The following SKIC8 variants were observed in gnomAD, a reference collection of about 807,000 sequenced individuals.
The protein encoded by SKIC8 is SKI8 subunit of superkiller complex.
At chr15:78,288,469 T>C in the SKIC8 span, 6 of 1,287,490 alleles carry the variant, frequency 4.7e-6, no homozygotes, top group East Asian at 2.4e-5. Flanking sequence ...TTAATGATTA[T>C]GAGCCACTGA....
chr15:78,295,386 A>G, the SKIC8 span: 1 of 605,788 alleles, frequency 1.7e-6, no homozygotes, highest in South Asian at 1.8e-5. Context: ...CTCCTGTTCT[A>G]TCTCCTATTC....
chr15:78,289,814 T>C, the SKIC8 span: 1 of 1,513,804 alleles, frequency 6.6e-7, no homozygotes, highest in Non-Finnish European at 9.1e-7. Flanking sequence ...CAGGTCTAAC[T>C]GGCTACTTGG....
At chr15:78,292,583 C>G in the SKIC8 span, 1 of 1,613,658 alleles carries the variant, frequency 6.2e-7, no homozygotes, top group Non-Finnish European at 8.5e-7. Flanking sequence ...AATCATGAAC[C>G]TCTATTATCT....
chr15:78,292,374 T>C, the SKIC8 span: 7 of 452,734 alleles, frequency 1.5e-5, no homozygotes, highest in African/African-American at 9.9e-5. Context: ...CATAAGGCTA[T>C]TTATAGCCTT....
the SKIC8 span, among the ~76,000 whole-genome samples, chr15:78,296,734 C>T: frequency 7.2e-5 from 11 of 152,164 alleles, no homozygotes; most frequent in African/African-American, 2.7e-4. Flanking sequence ...AACTCCTGGG[C>T]TCAAGCAATC....
At chr15:78,295,349 C>T in the SKIC8 span, 1 of 580,448 alleles carries the variant, frequency 1.7e-6, no homozygotes, top group Non-Finnish European at 3.1e-6. Flanking sequence ...TTAACTTTGT[C>T]CCTAATCTTA....
chr15:78,295,917 C>A, the SKIC8 span: 1 of 452,006 alleles, frequency 2.2e-6, no homozygotes, highest in Non-Finnish European at 3.9e-6. Context: ...TTCCTCTGAA[C>A]CTAGGGACTC....
the SKIC8 span, chr15:78,289,880 C>T: frequency 1.9e-6 from 3 of 1,578,186 alleles, no homozygotes; most frequent in Non-Finnish European, 2.6e-6. Context: ...GAATCTGTGG[C>T]AAGGACTGCA....
At chr15:78,296,312 A>G in the SKIC8 span, among the ~76,000 whole-genome samples, 1 of 152,156 alleles carries the variant, frequency 6.6e-6, no homozygotes, top group African/African-American at 2.4e-5. Context: ...AGGCTGAGGC[A>G]GGAGAATCAC....
the SKIC8 span, chr15:78,289,883 G>A: frequency 6.3e-7 from 1 of 1,575,484 alleles, no homozygotes. Flanking sequence ...TCTGTGGCAA[G>A]GACTGCAACA....
chr15:78,286,203 A>G, the SKIC8 span: 671 of 1,362,238 alleles, frequency 4.9e-4, 7 homozygotes, highest in East Asian at 0.015. Context: ...AGTGGAAAGT[A>G]TATTATTAAC....
chr15:78,286,127 A>C, the SKIC8 span: 1 of 1,609,804 alleles, frequency 6.2e-7, no homozygotes, highest in Non-Finnish European at 8.5e-7. Context: ...CCAAATTGGC[A>C]TGTTGTCTGA....
At chr15:78,284,720 G>C in the SKIC8 span, 1 of 152,472 alleles carries the variant, frequency 6.6e-6, no homozygotes, top group Admixed American at 6.5e-5. Flanking sequence ...CCTTGGCAAA[G>C]ATAAAGTTGC....
the SKIC8 span, chr15:78,283,588 T>A: frequency 2.0e-5 from 25 of 1,237,440 alleles, no homozygotes; most frequent in Non-Finnish European, 2.7e-5. Flanking sequence ...GAAATGAACA[T>A]CCTTATTTTC....
At chr15:78,293,537 G>C in the SKIC8 span, among the ~76,000 whole-genome samples, 1 of 152,120 alleles carries the variant, frequency 6.6e-6, no homozygotes, top group Non-Finnish European at 1.5e-5. Context: ...CTTTTAGCAT[G>C]CTATCTGGTA....
chr15:78,292,978 T>A, the SKIC8 span: 5 of 878,774 alleles, frequency 5.7e-6, no homozygotes, highest in South Asian at 1.8e-5. Context: ...TTTTTTTTTT[T>A]AACTTTAGGG....
chr15:78,288,174 G>A, the SKIC8 span: 1 of 1,070,042 alleles, frequency 9.3e-7, no homozygotes, highest in Non-Finnish European at 1.4e-6. Context: ...GAGTCAAGGT[G>A]TCTGATGTGA....
chr15:78,298,719 CA>C, the SKIC8 span, among the ~76,000 whole-genome samples: 1 of 152,146 alleles, frequency 6.6e-6, no homozygotes, highest in Non-Finnish European at 1.5e-5. Context: ...AATTGTAAGT[CA>C]AACCACGGTA....
the SKIC8 span, chr15:78,293,002 T>A: frequency 1.2e-6 from 1 of 811,952 alleles, no homozygotes; most frequent in Non-Finnish European, 1.9e-6. Flanking sequence ...TAATACAGAG[T>A]AACAGGAAAA....
Sources: gnomAD v4.1 joint callset for allele counts (sites outside exome capture counted in the v4.1 genomes callset) on GRCh38, gnomAD v4.1.1 for gene constraint, MANE v1.5 for transcripts, NCBI Gene and HGNC (gene_info 2026-07-23, HGNC 2026-07-21) for gene names.